The following MCF2L variants were observed in gnomAD, a reference collection of about 807,000 sequenced individuals.
MCF2L encodes the protein guanine nucleotide exchange factor DBS.
Under a neutral mutation model 153.4 loss-of-function variants are expected in MCF2L, and 97 were observed. The observed-to-expected ratio is 0.63, with a 90% confidence interval of 0.54 to 0.75. The LOEUF is 0.75. Ranked by LOEUF, MCF2L falls within the 30% of genes least tolerant of loss-of-function variation. The pLI, the probability that MCF2L is intolerant of heterozygous loss-of-function variation, is 0.00. For synonymous variants in MCF2L, 659 were observed against 632.2 expected, an observed-to-expected ratio of 1.04 and a Z score of -0.64; for missense variants, 1,347 against 1,495.2, an observed-to-expected ratio of 0.90 and a Z score of 1.64.
At chr13:112,997,298 G>A (rs940304541) in intron 1 of MCF2L, among the ~76,000 whole-genome samples, 2 of 152,240 alleles carry the variant, frequency 1.3e-5, no homozygotes, top group African/African-American at 4.8e-5. Context: ...CCAGGTTTGC[G>A]ATGGGGTTGC....
At chr13:112,933,622 C>T (rs2081485672) in intron 2 of MCF2L, among the ~76,000 whole-genome samples, 1 of 152,244 alleles carries the variant, frequency 6.6e-6, no homozygotes, top group Non-Finnish European at 1.5e-5. Context: ...ATTATTTCAG[C>T]ACAAATATTT....
intron 3 of MCF2L, chr13:113,040,949 T>C (rs1314117879): frequency 1.3e-5 from 2 of 152,210 alleles, no homozygotes; most frequent in East Asian, 3.9e-4. Context: ...ACGCAGCCAG[T>C]TGGAACATTC....
chr13:112,911,016 G>T (rs2081225482), intron 2 of MCF2L, among the ~76,000 whole-genome samples: 1 of 150,476 alleles, frequency 6.6e-6, no homozygotes, highest in South Asian at 2.1e-4. Context: ...TGGGGGCGGG[G>T]CGGGGGTGGG....
chr13:113,021,959 C>T (rs1257876567), intron 2 of MCF2L, among the ~76,000 whole-genome samples: 1 of 152,200 alleles, frequency 6.6e-6, no homozygotes, highest in Non-Finnish European at 1.5e-5. Context: ...AGGCCAGGCC[C>T]CCGTGCGATT....
rs886975063 is a variant in MCF2L at position 113,028,525 on chromosome 13, C to T, written c.278+3767C>T. On this transcript the variant is annotated intron_variant, in intron 3 of 29. Transcript: ENST00000535094. The surrounding 1 kb of genome is among the most constrained non-coding windows in gnomAD (Gnocchi z 5.4). ...CTGTGAGTCGCACAGCCTGGTCTGG[C>T]TGAAGGTGGCCGGAGCGCAGGCCCA... Among the ~76,000 whole-genome samples, 10 of 152,204 alleles carry T rather than the reference C, an allele frequency of 6.6e-5. No homozygotes were observed. The highest frequency in any genetic ancestry group is 1.9e-4 in the African/African-American group (8 of 41,450).
Position 113,074,918 on chromosome 13 carries a change from A to G in MCF2L, c.1117-80A>G. The G allele has an allele frequency of 8.0e-7, 1 of 1,251,612 alleles. No homozygotes were observed. Among genetic ancestry groups the G allele is most frequent in the Non-Finnish European group, 1.1e-6 (1 of 896,196 alleles). The allele number at this position is 1,251,612 out of a possible 1,614,324, so 77.5% of individuals were successfully genotyped here. On this transcript the variant is annotated intron_variant, in intron 10 of 29. Transcript: ENST00000535094. This position sits in a 1 kb window ranked among gnomAD's most constrained non-coding sequence, Gnocchi z 4.2. ...AATCAAGACACACGTGTGCCCCGGG[A>G]CACACATCCCGTACAGCAAGGCACT...
At position 112,969,327 on chromosome 13, in the gene MCF2L, C is replaced by T. The variant is rs1594405179; in HGVS notation, c.-53C>T. 2 of 1,543,708 alleles carry T rather than the reference C, an allele frequency of 1.3e-6. No homozygotes were observed. The highest frequency in any genetic ancestry group is 4.9e-5 in the East Asian group (2 of 40,624). ...ACTCGCACGGCCCCACCCGCAGGCG[C>T]CCCCCGTGCGGAGGAAGCGGATCTG... On this transcript the variant is annotated 5_prime_UTR_variant, in exon 1 of 30. Coordinates refer to ENST00000535094, the MANE Select transcript of MCF2L (RefSeq NM_001112732.3). This position sits in a 1 kb window ranked among gnomAD's most constrained non-coding sequence, Gnocchi z 4.8.
rs2082979453 is a variant in MCF2L, at chr13:112,993,556, G to A, written c.80-21207G>A. ...GGATCGCAGCCACAGAAGTGGCAGT[G>A]GGAGGGGAGGGGGAGGGTGCCTGGA... On this transcript the variant is annotated intron_variant, in intron 1 of 29. Transcript: ENST00000535094. The surrounding 1 kb of genome is among the most constrained non-coding windows in gnomAD (Gnocchi z 4.6). Among the ~76,000 whole-genome samples, 2 of 152,170 alleles carry A rather than the reference G, an allele frequency of 1.3e-5. No homozygotes were observed. The highest frequency in any genetic ancestry group is 2.9e-5 in the Non-Finnish European group (2 of 68,034).
At chr13:113,079,187 T>C (rs2033838030) in intron 15 of MCF2L, among the ~76,000 whole-genome samples, 1 of 152,226 alleles carries the variant, frequency 6.6e-6, no homozygotes, top group Admixed American at 6.5e-5. Flanking sequence ...CCAGCCCTCC[T>C]TTTCCCCTGG....
chr13:112,914,626 T>A (rs1286468132), intron 2 of MCF2L, among the ~76,000 whole-genome samples: 1 of 152,234 alleles, frequency 6.6e-6, no homozygotes, highest in Non-Finnish European at 1.5e-5. Flanking sequence ...GAGGCTGATG[T>A]CCTTGTCTGA....
At position 113,064,739 on chromosome 13, in the gene MCF2L, G is replaced by T. The variant is rs142990829; in HGVS notation, c.607-197G>T. ...AGGCGACTCTAGGTGACGGGCACACGTGTAGAGTGTGCCTGGTATGTTTCT... is the reference window on the plus strand; with the variant it reads ...AGGCGACTCTAGGTGACGGGCACACTTGTAGAGTGTGCCTGGTATGTTTCT... On this transcript the variant is annotated intron_variant, in intron 6 of 29. Coordinates refer to ENST00000535094, the MANE Select transcript of MCF2L (RefSeq NM_001112732.3). This position sits in a 1 kb window ranked among gnomAD's most constrained non-coding sequence, Gnocchi z 6.0. The T allele has an allele frequency of 1.6e-6, 1 of 621,834 alleles. No homozygotes were observed. Among genetic ancestry groups the T allele is most frequent in the Non-Finnish European group, 2.8e-6 (1 of 358,032 alleles). The allele number at this position is 621,834 out of a possible 1,614,324, so 38.5% of individuals were successfully genotyped here.
intron 14 of MCF2L, 71 bp from the exon 15 acceptor site, chr13:113,078,595 G>A: frequency 6.8e-7 from 1 of 1,469,030 alleles, no homozygotes; most frequent in Middle Eastern, 1.7e-4. Flanking sequence ...GAACTGGTGG[G>A]CTCTGGCCTT....
intron 1 of MCF2L, among the ~76,000 whole-genome samples, chr13:113,005,546 T>G (rs551139861): frequency 6.6e-6 from 1 of 151,934 alleles, no homozygotes; most frequent in Non-Finnish European, 1.5e-5. Flanking sequence ...CCGTGGTTGG[T>G]TCTGGGTGGC....
At chr13:112,965,829 G>A (rs1319626525), upstream of MCF2L, 2 of 152,162 alleles carry the variant, frequency 1.3e-5, no homozygotes, top group Admixed American at 6.5e-5. Flanking sequence ...TCTGGTTCCC[G>A]GGAGAGAGGC....
intron 3 of MCF2L, chr13:113,033,968 C>T (rs1422230797): frequency 9.3e-6 from 1 of 107,506 alleles, no homozygotes; most frequent in African/African-American, 3.7e-5. Flanking sequence ...CCGCGGTGAC[C>T]ACCTCCCCCC....
At chr13:113,075,240 T>G in intron 11 of MCF2L, 51 bp downstream of exon 11, 1 of 1,501,924 alleles carries the variant, frequency 6.7e-7, no homozygotes, top group South Asian at 1.3e-5. Flanking sequence ...GGAACCAGCC[T>G]CTTCCTCCCA....
intron 1 of MCF2L, among the ~76,000 whole-genome samples, chr13:112,995,756 G>T (rs2083102332): frequency 6.6e-6 from 1 of 152,146 alleles, no homozygotes; most frequent in Non-Finnish European, 1.5e-5. Context: ...CAGTGGGAGA[G>T]TGTGCCCTCT....
At chr13:112,981,856 C>T (rs993219279) in intron 1 of MCF2L, among the ~76,000 whole-genome samples, 2 of 152,252 alleles carry the variant, frequency 1.3e-5, no homozygotes, top group Non-Finnish European at 2.9e-5. Flanking sequence ...CCCCTCCCAG[C>T]CCTGGCTGTC....
Position 113,077,014 on chromosome 13 carries a change from A to C in MCF2L, c.1501-38A>C, listed in dbSNP as rs779672382. Reference sequence around the variant, plus strand: ...ACTGTGTATTTTTAGTGATGACACCAACATGTGCAAGGCACCTTACTGAGC... The same window carrying C: ...ACTGTGTATTTTTAGTGATGACACCCACATGTGCAAGGCACCTTACTGAGC... On this transcript the variant is annotated intron_variant, in intron 12 of 29. Transcript: ENST00000535094. 6.3e-6 allele frequency: 10 copies of C among 1,578,856 alleles called. No individual in the cohort carries two copies. In the Admixed American group the frequency reaches 7.0e-5, roughly 11 times the overall value.
Sources: allele counts gnomAD v4.1 joint callset (sites outside exome capture counted in the v4.1 genomes callset), GRCh38; gene constraint gnomAD v4.1.1; non-coding constraint Gnocchi (gnomAD v3.1); transcripts MANE v1.5; gene names NCBI Gene and HGNC (gene_info 2026-07-23, HGNC 2026-07-21).